The following HACD2 variants were observed in gnomAD, a reference collection of about 807,000 sequenced individuals.
HACD2 encodes 3-hydroxyacyl-CoA dehydratase 2.
HACD2 carries 15 observed loss-of-function variants against 31.0 expected under a neutral mutation model. That is an observed-to-expected ratio of 0.48 (90% confidence interval 0.32 to 0.75). HACD2 has a LOEUF of 0.75. HACD2 is among the 30% of genes least tolerant of loss of function. The probability of loss-of-function intolerance (pLI) is 0.03; values close to 1 mark genes in which losing one functional copy is unlikely to be tolerated. For synonymous variants in HACD2, 115 were observed against 122.2 expected (o/e 0.94, Z 0.39); for missense variants, 283 against 313.0 (o/e 0.90, Z 0.72).
chr3:123,578,468 G>T (rs1020171393), intron 2 of HACD2, among the ~76,000 whole-genome samples: 2 of 151,892 alleles, frequency 1.3e-5, no homozygotes, highest in Admixed American at 1.3e-4. Flanking sequence ...ATGGGGTCTC[G>T]CTATGTTTCC....
intron 3 of HACD2, among the ~76,000 whole-genome samples, chr3:123,552,044 C>T (rs1338521508): frequency 2.0e-5 from 3 of 152,078 alleles, no homozygotes; most frequent in Non-Finnish European, 4.4e-5. Flanking sequence ...GGTCCCACTG[C>T]AAATCTTTGT....
intron 2 of HACD2, among the ~76,000 whole-genome samples, chr3:123,578,608 G>C (rs756987247): frequency 2.6e-5 from 4 of 152,120 alleles, no homozygotes; most frequent in Admixed American, 6.5e-5. Flanking sequence ...ATGCTCCTTT[G>C]TACTTGCTTG....
At chr3:123,508,934 G>T (rs921414167) in intron 4 of HACD2, among the ~76,000 whole-genome samples, 10 of 152,246 alleles carry the variant, frequency 6.6e-5, no homozygotes, top group Non-Finnish European at 1.3e-4. Context: ...CCTTCACATG[G>T]TATCTTTTTT....
At chr3:123,532,833 CAAAAAAAAAAA>C (rs35001570) in intron 3 of HACD2, among the ~76,000 whole-genome samples, 4 of 71,388 alleles carry the variant, frequency 5.6e-5, no homozygotes, top group South Asian at 1.5e-3. Context: ...GACTCCGTCT[CAAAAAAAAAAA>C]AAAAAAAAAA....
intron 4 of HACD2, among the ~76,000 whole-genome samples, chr3:123,506,166 A>AT (rs2055973599): frequency 6.6e-6 from 1 of 152,176 alleles, no homozygotes; most frequent in African/African-American, 2.4e-5. Context: ...CTTAAAAATA[A>AT]TTTTTTCCTT....
intron 4 of HACD2, 107 bp downstream of exon 4, chr3:123,528,279 C>T (rs1576752621): frequency 1.4e-6 from 1 of 731,050 alleles, no homozygotes; most frequent in South Asian, 1.6e-5. Flanking sequence ...ATTGACATGA[C>T]CTGGAACTCT....
chr3:123,542,146 CAAA>C (rs11391480), intron 3 of HACD2, among the ~76,000 whole-genome samples: 1,867 of 40,648 alleles, frequency 0.046, 3 homozygotes, highest in Middle Eastern at 0.083. Context: ...GACTCCGTCT[CAAA>C]AAAAAAAAAA....
intron 3 of HACD2, among the ~76,000 whole-genome samples, chr3:123,552,092 G>C (rs2056625999): frequency 2.0e-5 from 3 of 152,276 alleles, no homozygotes; most frequent in South Asian, 4.1e-4. Context: ...GCATGGAAGA[G>C]AGAAGAGCAG....
chr3:123,549,998 A>C (rs945578647), intron 3 of HACD2, among the ~76,000 whole-genome samples: 4 of 152,192 alleles, frequency 2.6e-5, no homozygotes, highest in Non-Finnish European at 5.9e-5. Context: ...GAGAAACAGT[A>C]AGTTGGATTT....
At chr3:123,559,546 A>C (rs2056706111) in intron 3 of HACD2, among the ~76,000 whole-genome samples, 1 of 152,244 alleles carries the variant, frequency 6.6e-6, no homozygotes, top group Non-Finnish European at 1.5e-5. Context: ...TCACGTATTC[A>C]GTCCAATGCC....
At chr3:123,564,125 G>A (rs560962122) in intron 3 of HACD2, among the ~76,000 whole-genome samples, 1 of 152,338 alleles carries the variant, frequency 6.6e-6, no homozygotes, top group South Asian at 2.1e-4. Context: ...GCTGGTGGCC[G>A]GCGGCAGCCC....
intron 3 of HACD2, among the ~76,000 whole-genome samples, chr3:123,538,372 G>A (rs1477016436): frequency 6.6e-6 from 1 of 152,000 alleles, no homozygotes; most frequent in Non-Finnish European, 1.5e-5. Flanking sequence ...ACTTTAAAAG[G>A]GCATTATATT....
chr3:123,572,873 T>C (rs2056870002), intron 2 of HACD2, among the ~76,000 whole-genome samples: 1 of 152,146 alleles, frequency 6.6e-6, no homozygotes, highest in Non-Finnish European at 1.5e-5. Context: ...TCTCTGTCTT[T>C]CAATTCAAAA....
At chr3:123,573,225 T>C (rs1419902462) in intron 2 of HACD2, among the ~76,000 whole-genome samples, 1 of 152,212 alleles carries the variant, frequency 6.6e-6, no homozygotes, top group Non-Finnish European at 1.5e-5. Context: ...TCTTCAAGGA[T>C]AGACACCAAA....
intron 3 of HACD2, among the ~76,000 whole-genome samples, chr3:123,549,608 C>T (rs1241241534): frequency 1.3e-5 from 2 of 151,998 alleles, no homozygotes; most frequent in African/African-American, 4.8e-5. Flanking sequence ...CTTAGCTGGG[C>T]GTGGTGGCAT....
intron 4 of HACD2, among the ~76,000 whole-genome samples, chr3:123,527,854 G>A (rs1224185790): frequency 6.6e-6 from 1 of 152,212 alleles, no homozygotes; most frequent in Non-Finnish European, 1.5e-5. Flanking sequence ...AAACAGAAAC[G>A]TGTTTCGGTC....
chr3:123,510,646 A>G (rs553356593), intron 4 of HACD2, among the ~76,000 whole-genome samples: 44 of 152,328 alleles, frequency 2.9e-4, no homozygotes, highest in African/African-American at 1.0e-3. Context: ...TTGTACGTAT[A>G]TACTACATTT....
In HACD2 at chr3:123,582,199, T is replaced by G. The variant is rs1417854693; in HGVS notation, c.273+13A>C. On this transcript the variant is annotated intron_variant, in intron 2 of 6. Coordinates refer to ENST00000383657, the MANE Select transcript of HACD2 (RefSeq NM_198402.5). ...AATGGAAATCAATAACAACAATAAATCTCAGGACCTACCTCCAATAAGGCT... is the reference window on the plus strand; with the variant it reads ...AATGGAAATCAATAACAACAATAAAGCTCAGGACCTACCTCCAATAAGGCT... The G allele has an allele frequency of 1.3e-6, 2 of 1,499,900 alleles. No individual in the cohort carries two copies. Among genetic ancestry groups the G allele is most frequent in the East Asian group, 4.6e-5 (2 of 43,728 alleles). The allele number at this position is 1,499,900 out of a possible 1,614,324, so 92.9% of individuals were successfully genotyped here.
intron 5 of HACD2, 143 bp from the exon 6 acceptor site, chr3:123,500,836 GT>G (rs2107680059): frequency 2.0e-6 from 1 of 493,406 alleles, no homozygotes. Flanking sequence ...TCAAATTCAG[GT>G]TTTACAAGCC....
Sources: gnomAD v4.1 joint callset for allele counts (sites outside exome capture counted in the v4.1 genomes callset) on GRCh38, gnomAD v4.1.1 for gene constraint, MANE v1.5 for transcripts, NCBI Gene and HGNC (gene_info 2026-07-23, HGNC 2026-07-21) for gene names.